The following UGT1A6 variants were observed in gnomAD, a reference collection of about 807,000 sequenced individuals.
The protein encoded by UGT1A6 is UDP-glucuronosyltransferase 1A6.
In UGT1A6, 32 loss-of-function variants were observed where a neutral mutation model predicts 44.4. The observed-to-expected ratio is 0.72, with a 90% confidence interval of 0.54 to 0.97. The LOEUF (loss-of-function observed/expected upper bound fraction) is 0.97, where lower values mean the gene tolerates loss of function less well. Ranked by LOEUF, UGT1A6 falls within the 50% of genes least tolerant of loss-of-function variation. The pLI is 0.00. For missense variants in UGT1A6, 685 were observed against 661.9 expected (o/e 1.03, Z -0.38); for synonymous variants, 238 against 248.5 (o/e 0.96, Z 0.40).
intron 1 of UGT1A6, among the ~76,000 whole-genome samples, chr2:233,723,516 C>CTT (rs1162916866): frequency 0.011 from 946 of 85,272 alleles, 28 homozygotes; most frequent in African/African-American, 0.04. Context: ...GGTCAACAAT[C>CTT]TTTTTTTTTT....
Position 233,772,483 on chromosome 2 carries a change from G to C in UGT1A6, c.1523G>C (p.Cys508Ser). The change falls in exon 5 of 5, where the codon TGT (cysteine) becomes TCT (serine). Residue 508 changes from cysteine to serine, a missense_variant. Physicochemically the swap from Cys to Ser is moderately radical, Grantham distance 112. Transcript: ENST00000305139. ...ACAGTGGCCTTCATCACCTTTAAAT[G>C]TTGTGCTTATGGCTACCGGAAATGC... ...VLTVAFITFK[C>S]CAYGYRKCLG... The C allele has an allele frequency of 6.2e-7, 1 of 1,614,146 alleles. No individual in the cohort carries two copies. The highest frequency in any genetic ancestry group is 8.5e-7 in the Non-Finnish European group (1 of 1,180,048).
intron 1 of UGT1A6, chr2:233,744,008 G>T (rs1692645925): frequency 1.7e-6 from 2 of 1,163,288 alleles, no homozygotes; most frequent in South Asian, 2.8e-5. Flanking sequence ...CGGAGACCTG[G>T]GCCGCCTGGA....
chr2:233,718,771 A>G, intron 1 of UGT1A6: 1 of 1,612,862 alleles, frequency 6.2e-7, no homozygotes, highest in African/African-American at 1.3e-5. Context: ...AAACAAATGT[A>G]GCAGGCACAG....
chr2:233,755,908 T>G (rs1323849198), intron 1 of UGT1A6: 1 of 151,610 alleles, frequency 6.6e-6, no homozygotes, highest in African/African-American at 2.4e-5. Flanking sequence ...CAAAATGTAG[T>G]GAGAAGAGTG....
At chr2:233,760,292 C>T (rs1437444805) in intron 1 of UGT1A6, 2 of 1,613,246 alleles carry the variant, frequency 1.2e-6, no homozygotes, top group Admixed American at 1.7e-5. Flanking sequence ...GGCGCCATGG[C>T]TGTGGAGTCC....
At chr2:233,712,795 G>C (rs551571775) in intron 1 of UGT1A6, among the ~76,000 whole-genome samples, 3 of 152,166 alleles carry the variant, frequency 2.0e-5, no homozygotes, top group Non-Finnish European at 2.9e-5. Flanking sequence ...AGGAGTGATC[G>C]GTCTTTCCCA....
At chr2:233,717,630 C>T (rs1290579754) in intron 1 of UGT1A6, among the ~76,000 whole-genome samples, 1 of 152,248 alleles carries the variant, frequency 6.6e-6, no homozygotes, top group Non-Finnish European at 1.5e-5. Flanking sequence ...CTGCCCACCT[C>T]ATCCTGGGGC....
intron 1 of UGT1A6, among the ~76,000 whole-genome samples, chr2:233,703,210 TAA>T (rs1353895026): frequency 1.3e-5 from 2 of 152,198 alleles, no homozygotes; most frequent in African/African-American, 4.8e-5. Flanking sequence ...CAATTTTATC[TAA>T]GTTATCTAAT....
intron 1 of UGT1A6, among the ~76,000 whole-genome samples, chr2:233,763,856 G>A (rs1698413440): frequency 6.6e-6 from 1 of 152,158 alleles, no homozygotes; most frequent in Non-Finnish European, 1.5e-5. Context: ...GTGGTTCACA[G>A]ACAATCGCAA....
At chr2:233,764,944 G>A (rs994254200) in intron 1 of UGT1A6, among the ~76,000 whole-genome samples, 1 of 152,160 alleles carries the variant, frequency 6.6e-6, no homozygotes, top group South Asian at 2.1e-4. Flanking sequence ...AGAGTGGCGG[G>A]GAGAGAGGGC....
chr2:233,729,788 C>A, intron 1 of UGT1A6: 2 of 1,613,954 alleles, frequency 1.2e-6, no homozygotes, highest in Non-Finnish European at 1.7e-6. Context: ...CTGGCCCTGT[C>A]CTACATTTGC....
chr2:233,748,170 T>G (rs1693885093), intron 1 of UGT1A6: 10 of 1,590,430 alleles, frequency 6.3e-6, no homozygotes, highest in Non-Finnish European at 8.6e-6. Flanking sequence ...TATCTACTTA[T>G]CTTTCTGGTG....
chr2:233,745,932 CAGCTGGGGGTT>C (rs1347994151), intron 1 of UGT1A6, among the ~76,000 whole-genome samples: 3 of 151,404 alleles, frequency 2.0e-5, no homozygotes, highest in East Asian at 3.9e-4. Context: ...TCAGAAGGGA[CAGCTGGGGGTT>C]GGGCAACTGG....
At chr2:233,751,615 T>C (rs531404071) in intron 1 of UGT1A6, among the ~76,000 whole-genome samples, 1 of 152,176 alleles carries the variant, frequency 6.6e-6, no homozygotes, top group Non-Finnish European at 1.5e-5. Flanking sequence ...TGGGAGGTGA[T>C]TGGATCATGT....
intron 1 of UGT1A6, among the ~76,000 whole-genome samples, chr2:233,724,353 C>A (rs2077234748): frequency 2.0e-5 from 3 of 148,046 alleles, no homozygotes; most frequent in South Asian, 4.5e-4. Flanking sequence ...CCCCCCACCT[C>A]CCTCCCGGAC....
At chr2:233,747,851 C>G in intron 1 of UGT1A6, 1 of 1,613,534 alleles carries the variant, frequency 6.2e-7, no homozygotes, top group Non-Finnish European at 8.5e-7. Context: ...GGGTCAAGAA[C>G]ATGCTCTACC....
chr2:233,745,589 C>T (rs984719632), intron 1 of UGT1A6, among the ~76,000 whole-genome samples: 4 of 151,622 alleles, frequency 2.6e-5, no homozygotes, highest in East Asian at 1.9e-4. Flanking sequence ...ACCTGAGACC[C>T]GGACTTGGCA....
At chr2:233,764,334 G>A (rs1470444566) in intron 1 of UGT1A6, among the ~76,000 whole-genome samples, 1 of 152,188 alleles carries the variant, frequency 6.6e-6, no homozygotes, top group Non-Finnish European at 1.5e-5. Flanking sequence ...AGTAGGGGAT[G>A]GACTTCACCT....
intron 1 of UGT1A6, among the ~76,000 whole-genome samples, chr2:233,709,853 C>T (rs1247247168): frequency 6.6e-6 from 1 of 152,196 alleles, no homozygotes; most frequent in Non-Finnish European, 1.5e-5. Flanking sequence ...ACATTCAAGA[C>T]ACGGAGCACT....
Sources: allele counts gnomAD v4.1 joint callset (sites outside exome capture counted in the v4.1 genomes callset), GRCh38; gene constraint gnomAD v4.1.1; transcripts MANE v1.5; gene names NCBI Gene and HGNC (gene_info 2026-07-23, HGNC 2026-07-21).